The following AXDND1 variants were observed in gnomAD, a reference collection of about 807,000 sequenced individuals.
AXDND1 encodes axonemal dynein light chain domain containing 1.
A neutral mutation model predicts 137.5 loss-of-function variants in AXDND1; 110 were observed. That is an observed-to-expected ratio of 0.80 (90% confidence interval 0.69 to 0.94). AXDND1 has a LOEUF of 0.94. Among genes scored for constraint, AXDND1 ranks in the 40% least tolerant of loss-of-function variants. The pLI is 0.00. For synonymous variants in AXDND1, 414 were observed against 399.7 expected, an observed-to-expected ratio of 1.04 and a Z score of -0.43; for missense variants, 1,191 against 1,169.8, an observed-to-expected ratio of 1.02 and a Z score of -0.26.
intron 20 of AXDND1, among the ~76,000 whole-genome samples, chr1:179,494,389 TGTG>T (rs1667238422): frequency 6.6e-6 from 1 of 152,220 alleles, no homozygotes; most frequent in Non-Finnish European, 1.5e-5. Flanking sequence ...ATGTATTTTC[TGTG>T]GTGTAATGTC....
intron 21 of AXDND1, among the ~76,000 whole-genome samples, chr1:179,522,847 G>A (rs942661732): frequency 1.1e-5 from 1 of 91,368 alleles, no homozygotes; most frequent in African/African-American, 3.2e-5. Context: ...GTCACATTGT[G>A]ACTATTTTTC....
At position 179,486,139 on chromosome 1, in the gene AXDND1, A is replaced by AAAAAAAAAAAAAAAAACAAAAAACT. The variant is rs149119239; in HGVS notation, c.2091+2920_2091+2921insAAAAAAAAAAAAAACAAAAAACTAA. The stretch of plus-strand genomic sequence containing the variant: ...TGTCTCAAAAAAAAAAAAAAAAAAA[A>AAAAAAAAAAAAAAAAACAAAAAACT]AACCTGATAGAAATGAAAAACACAC... On this transcript the variant is annotated intron_variant, in intron 18 of 25. Transcript: ENST00000367618. Among the ~76,000 whole-genome samples, 39 of 87,762 alleles carry AAAAAAAAAAAAAAAAACAAAAAACT rather than the reference A, an allele frequency of 4.4e-4. 1 individual carries two copies. Among genetic ancestry groups the AAAAAAAAAAAAAAAAACAAAAAACT allele is most frequent in the African/African-American group, 6.7e-4 (18 of 26,894 alleles). The allele number at this position is 87,762 out of a possible 152,430, so 57.6% of individuals were successfully genotyped here.
At chr1:179,444,398 G>C (rs888843496) in intron 15 of AXDND1, among the ~76,000 whole-genome samples, 1 of 152,014 alleles carries the variant, frequency 6.6e-6, no homozygotes, top group Admixed American at 6.6e-5. Context: ...CTTCTACACT[G>C]TCTCCCCATG....
intron 4 of AXDND1, among the ~76,000 whole-genome samples, chr1:179,377,213 T>G (rs1323619854): frequency 6.6e-6 from 1 of 152,226 alleles, no homozygotes; most frequent in Admixed American, 6.5e-5. Context: ...GTTACAGGCA[T>G]GAGCCACTGC....
Position 179,392,028 on chromosome 1 carries a change from G to T in AXDND1, c.864-1875G>T, listed in dbSNP as rs190870338. 3.5e-3 allele frequency among the ~76,000 whole-genome samples: 540 copies of T among 152,206 alleles called. 3 individuals are homozygous for T. Among genetic ancestry groups the T allele is most frequent in the African/African-American group, 0.012 (513 of 41,536 alleles). On this transcript the variant is annotated intron_variant, in intron 9 of 25. Coordinates refer to ENST00000367618, the MANE Select transcript of AXDND1 (RefSeq NM_144696.6). ...TCCTTTATAAATTACCCTGTCTTGG[G>T]TATATCCTTATAGCGCTGTGAGAAT...
intron 4 of AXDND1, among the ~76,000 whole-genome samples, chr1:179,375,010 T>A (rs903254355): frequency 1.6e-4 from 25 of 151,740 alleles, no homozygotes; most frequent in Admixed American, 5.2e-4. Context: ...AAATTATTTT[T>A]AAAAATTAAA....
At chr1:179,373,596 C>G (rs1249778275) in intron 4 of AXDND1, among the ~76,000 whole-genome samples, 2 of 152,106 alleles carry the variant, frequency 1.3e-5, no homozygotes, top group African/African-American at 4.8e-5. Flanking sequence ...GCTACAGTAA[C>G]CAAAACAGCA....
intron 15 of AXDND1, among the ~76,000 whole-genome samples, chr1:179,442,496 A>G (rs986459190): frequency 2.6e-5 from 4 of 152,186 alleles, no homozygotes; most frequent in Non-Finnish European, 5.9e-5. Flanking sequence ...GGTTATGCGT[A>G]ATAACCTCCT....
chr1:179,505,827 A>G (rs192283027), intron 20 of AXDND1, among the ~76,000 whole-genome samples: 1 of 152,208 alleles, frequency 6.6e-6, no homozygotes, highest in Non-Finnish European at 1.5e-5. Flanking sequence ...GTACTAAGGC[A>G]GTCCAGGGGC....
At chr1:179,510,804 A>G (rs1305026287) in intron 21 of AXDND1, among the ~76,000 whole-genome samples, 2 of 152,062 alleles carry the variant, frequency 1.3e-5, no homozygotes, top group Non-Finnish European at 1.5e-5. Flanking sequence ...TACATGAGTA[A>G]GTTCTTTAGT....
At chr1:179,499,689 TA>T (rs1409314125) in intron 20 of AXDND1, among the ~76,000 whole-genome samples, 1 of 152,104 alleles carries the variant, frequency 6.6e-6, no homozygotes, top group African/African-American at 2.4e-5. Flanking sequence ...ATTGGTCTGC[TA>T]AAAGACTAAA....
intron 16 of AXDND1, chr1:179,448,582 G>A (rs1660062180): frequency 6.7e-6 from 2 of 297,284 alleles, no homozygotes; most frequent in Admixed American, 9.6e-5. Context: ...CTACAAGATT[G>A]TGTGTGTCTC....
chr1:179,518,720 C>T (rs1417829931), intron 21 of AXDND1, among the ~76,000 whole-genome samples: 5 of 152,122 alleles, frequency 3.3e-5, no homozygotes, highest in Admixed American at 6.6e-5. Context: ...GACATGATCT[C>T]ATTCTTTTTT....
chr1:179,378,572 A>G, intron 4 of AXDND1, 65 bp from the exon 5 acceptor site: 1 of 1,260,014 alleles, frequency 7.9e-7, no homozygotes, highest in Non-Finnish European at 1.1e-6. Context: ...TGTGGATCTC[A>G]CCTGCTGTTA....
intron 12 of AXDND1, among the ~76,000 whole-genome samples, chr1:179,423,650 T>G (rs1656104329): frequency 6.6e-6 from 1 of 152,034 alleles, no homozygotes; most frequent in Non-Finnish European, 1.5e-5. Flanking sequence ...GTATAACAGG[T>G]TTTTTTAAAA....
chr1:179,445,005 T>A lies in AXDND1; in HGVS notation c.1599T>A (p.Asp533Glu). 1 of 1,612,118 alleles carries A rather than the reference T, an allele frequency of 6.2e-7. No homozygotes were observed. Among genetic ancestry groups the A allele is most frequent in the South Asian group, 1.1e-5 (1 of 90,924 alleles). ...LNEKKEEFTG[D>E]VLLSKYDTLK... ...AGAAAAAAGAAGAGTTTACTGGGGA[T>A]GTTCTACTGTCAAAATACGATACTC... The change falls in exon 16 of 26, where the codon GAT becomes GAA. Residue 533 changes from aspartate to glutamate, a missense_variant. By Grantham distance (45) the Asp-to-Glu change is conservative. Transcript: ENST00000367618.
chr1:179,381,840 GC>G (rs1419683926), intron 6 of AXDND1, among the ~76,000 whole-genome samples: 1 of 151,898 alleles, frequency 6.6e-6, no homozygotes, highest in African/African-American at 2.4e-5. Context: ...GAGTGCAGTG[GC>G]GTGATCTTGG....
intron 9 of AXDND1, among the ~76,000 whole-genome samples, chr1:179,386,893 T>G (rs1649310997): frequency 6.6e-6 from 1 of 151,882 alleles, no homozygotes; most frequent in Admixed American, 6.6e-5. Context: ...CCCAGCTAAT[T>G]TTTTTGTATT....
chr1:179,403,875 C>G (rs1330771173), intron 11 of AXDND1, among the ~76,000 whole-genome samples: 1 of 152,160 alleles, frequency 6.6e-6, no homozygotes, highest in Non-Finnish European at 1.5e-5. Context: ...CTGCCCCCGG[C>G]CTACATCGTG....
Sources: gnomAD v4.1 joint callset for allele counts (sites outside exome capture counted in the v4.1 genomes callset) on GRCh38, gnomAD v4.1.1 for gene constraint, MANE v1.5 for transcripts, NCBI Gene and HGNC (gene_info 2026-07-23, HGNC 2026-07-21) for gene names.